COL6A6: variants seen among roughly 807,000 people sequenced by gnomAD.
The protein encoded by COL6A6 is collagen alpha-6(VI) chain.
In COL6A6, 183 loss-of-function variants were observed where a neutral mutation model predicts 208.6. The observed-to-expected ratio is 0.88, with a 90% CI of 0.78 to 0.99. The LOEUF is 0.99. Among genes scored for constraint, COL6A6 ranks in the 50% least tolerant of loss-of-function variants. The pLI, the probability that COL6A6 is intolerant of heterozygous loss-of-function variation, is 0.00. For missense variants in COL6A6, 2,816 were observed against 2,815.2 expected (o/e 1.00, Z -0.01); for synonymous variants, 973 against 1,011.8 (o/e 0.96, Z 0.73).
At chr3:130,614,273 G>A (rs2108232386) in intron 23 of COL6A6, among the ~76,000 whole-genome samples, 1 of 152,200 alleles carries the variant, frequency 6.6e-6, no homozygotes, top group East Asian at 1.9e-4. Flanking sequence ...TAATCATGTA[G>A]TTTTTGTTTT....
chr3:130,581,841 C>G lies in COL6A6; in HGVS notation c.3828C>G (p.Leu1276=). 1 of 1,613,326 alleles carries G rather than the reference C, an allele frequency of 6.2e-7. No individual in the cohort carries two copies. The highest frequency in any genetic ancestry group is 8.5e-7 in the Non-Finnish European group (1 of 1,179,342). ...TAACAGTTAAAGGACCATCTCTTCTCAATGCAAACCTCTTGGATTCTCTAT... is the reference window on the plus strand; with the variant it reads ...TAACAGTTAAAGGACCATCTCTTCTGAATGCAAACCTCTTGGATTCTCTAT... ...KDITVKGPSL[L]NANLLDSLWD... Residue 1276 remains leucine (L), a synonymous_variant, in exon 9 of 37, where the codon CTC becomes CTG. Transcript: ENST00000358511.
intron 20 of COL6A6, among the ~76,000 whole-genome samples, chr3:130,605,583 G>A (rs2064157255): frequency 6.6e-6 from 1 of 152,124 alleles, no homozygotes; most frequent in Non-Finnish European, 1.5e-5. Flanking sequence ...TCCTCCCTCT[G>A]ATAGAAGATT....
chr3:130,667,083 C>A (rs2066092860), intron 36 of COL6A6, among the ~76,000 whole-genome samples: 1 of 152,096 alleles, frequency 6.6e-6, no homozygotes, highest in South Asian at 2.1e-4. Context: ...ACAATTTAGA[C>A]TTAAACAATA....
chr3:130,622,211 CT>C (rs57173034), intron 24 of COL6A6, among the ~76,000 whole-genome samples: 11,737 of 135,424 alleles, frequency 0.087, 735 homozygotes, highest in African/African-American at 0.16. Context: ...CTACCCCCCC[CT>C]TTTTTTTTTT....
intron 18 of COL6A6, among the ~76,000 whole-genome samples, chr3:130,598,066 C>T (rs963435581): frequency 6.6e-5 from 10 of 152,152 alleles, no homozygotes; most frequent in African/African-American, 1.9e-4. Flanking sequence ...CCTCCAGACC[C>T]AGGGTAAGAG....
intron 14 of COL6A6, 30 bp downstream of exon 14, chr3:130,592,642 C>T (rs776875852): frequency 6.2e-7 from 1 of 1,612,598 alleles, no homozygotes; most frequent in East Asian, 2.2e-5. Flanking sequence ...GTGGAGTTTT[C>T]TCAATATTAA....
chr3:130,586,615 C>G lies in COL6A6; in HGVS notation c.4080C>G (p.Leu1360=). 1.2e-6 allele frequency: 2 copies of G among 1,613,808 alleles called. No homozygotes were observed. Among genetic ancestry groups the G allele is most frequent in the Non-Finnish European group, 1.7e-6 (2 of 1,179,840 alleles). ...AAGGATTTGAGTACAGGACACAGCT[C>G]TCTATTGGCATGAGAGAACTTGGAA... ...FGKGFEYRTQ[L]SIGMRELGSR... is the part of the protein sequence containing the mutation. The change falls in exon 11 of 37, where the codon CTC becomes CTG. Residue 1360 remains leucine, a synonymous_variant. Transcript: ENST00000358511.
At chr3:130,620,442 C>A (rs1234760465) in intron 23 of COL6A6, among the ~76,000 whole-genome samples, 2 of 152,056 alleles carry the variant, frequency 1.3e-5, no homozygotes, top group Non-Finnish European at 2.9e-5. Flanking sequence ...TTTCAAAGAA[C>A]ACATGATCAA....
chr3:130,602,789 T>C (rs913538458), intron 20 of COL6A6, among the ~76,000 whole-genome samples: 48 of 152,366 alleles, frequency 3.2e-4, no homozygotes, highest in African/African-American at 1.0e-3. Context: ...GTATAGAAGA[T>C]GTCAGGAATC....
intron 36 of COL6A6, among the ~76,000 whole-genome samples, chr3:130,666,104 T>C (rs757607250): frequency 2.0e-5 from 3 of 152,142 alleles, no homozygotes; most frequent in Non-Finnish European, 4.4e-5. Flanking sequence ...ACATTGTTTA[T>C]AGGATTCATA....
chr3:130,519,634 C>T (rs1710952146), intron 1 of COL6A6, among the ~76,000 whole-genome samples: 1 of 152,112 alleles, frequency 6.6e-6, no homozygotes, highest in African/African-American at 2.4e-5. Context: ...TAGACAAACT[C>T]AAACAATGCA....
At chr3:130,532,154 G>A (rs895791460) in intron 1 of COL6A6, among the ~76,000 whole-genome samples, 1 of 152,098 alleles carries the variant, frequency 6.6e-6, no homozygotes, top group African/African-American at 2.4e-5. Context: ...TTGACAAGGC[G>A]ATGCAATTTC....
At chr3:130,568,976 A>G (rs1403632237) in intron 6 of COL6A6, among the ~76,000 whole-genome samples, 1 of 152,210 alleles carries the variant, frequency 6.6e-6, no homozygotes, top group East Asian at 1.9e-4. Flanking sequence ...GTAGGAACTG[A>G]ACAAGGAAAT....
intron 8 of COL6A6, among the ~76,000 whole-genome samples, 167 bp from the exon 9 acceptor site, chr3:130,581,394 A>G (rs1384068187): frequency 6.6e-6 from 1 of 152,252 alleles, no homozygotes; most frequent in Non-Finnish European, 1.5e-5. Flanking sequence ...TTTACAGGTT[A>G]GAAAAGAGTT....
rs376471529 is a variant in COL6A6, at chr3:130,574,537, G to A, written c.3547+12G>A. 5 of 1,604,200 alleles carry A rather than the reference G, an allele frequency of 3.1e-6. No homozygotes were observed. The Admixed American group carries it at 6.7e-5, about 21-fold the overall frequency. ...AGCGGGTGAAAGCAGTAAGTATTTA[G>A]CAAGTTCTTCATTCGATTCCCTACA... is the stretch of plus-strand genomic sequence containing the variant. On this transcript the variant is annotated intron_variant, in intron 8 of 36. Transcript: ENST00000358511.
intron 27 of COL6A6, among the ~76,000 whole-genome samples, chr3:130,635,365 A>G (rs2065080937): frequency 6.6e-6 from 1 of 152,254 alleles, no homozygotes; most frequent in South Asian, 2.1e-4. Context: ...GACATCTTCT[A>G]CCTTGGAGAT....
intron 34 of COL6A6, among the ~76,000 whole-genome samples, chr3:130,659,487 GTTAATAC>G (rs758799276): frequency 2.0e-5 from 3 of 152,224 alleles, no homozygotes; most frequent in Admixed American, 6.5e-5. Context: ...GATAATGACA[GTTAATAC>G]TTAAACTATT....
chr3:130,604,949 C>T (rs529230829), intron 20 of COL6A6, among the ~76,000 whole-genome samples: 1 of 152,210 alleles, frequency 6.6e-6, no homozygotes, highest in Non-Finnish European at 1.5e-5. Flanking sequence ...TGACCATGTA[C>T]TTTTCCAGCT....
chr3:130,550,903 A>G (rs1189884926), intron 1 of COL6A6, among the ~76,000 whole-genome samples: 2 of 152,202 alleles, frequency 1.3e-5, no homozygotes, highest in East Asian at 3.8e-4. Context: ...GCCTTTCTCC[A>G]TCTATTGAGA....
Sources: allele counts gnomAD v4.1 joint callset (sites outside exome capture counted in the v4.1 genomes callset), GRCh38; gene constraint gnomAD v4.1.1; transcripts MANE v1.5; gene names NCBI Gene and HGNC (gene_info 2026-07-23, HGNC 2026-07-21).